The following TNRC6A variants were observed in gnomAD, a reference collection of about 807,000 sequenced individuals.
TNRC6A encodes trinucleotide repeat-containing gene 6A protein.
TNRC6A carries 44 observed loss-of-function variants against 221.2 expected under a neutral mutation model. The ratio of observed to expected loss-of-function variants is 0.20; its 90% confidence interval spans 0.16 to 0.26. TNRC6A has a LOEUF of 0.26. Ranked by LOEUF, TNRC6A falls within the 10% of genes least tolerant of loss-of-function variation. The probability of loss-of-function intolerance (pLI) is 1.00; values close to 1 mark genes in which losing one functional copy is unlikely to be tolerated. For missense variants in TNRC6A, 2,199 were observed against 2,404.4 expected (o/e 0.91, Z 1.79); for synonymous variants, 847 against 838.5 (o/e 1.01, Z -0.18).
chr16:24,626,799 A>G (rs971552610), intron 1 of TNRC6A, among the ~76,000 whole-genome samples: 7 of 151,512 alleles, frequency 4.6e-5, no homozygotes, highest in South Asian at 2.1e-4. Context: ...ACAGGCACCC[A>G]CCACCACGCC....
intron 2 of TNRC6A, among the ~76,000 whole-genome samples, chr16:24,707,806 C>T (rs2056125803): frequency 6.6e-6 from 1 of 152,148 alleles, no homozygotes; most frequent in Admixed American, 6.6e-5. Flanking sequence ...CGCCTGTAAT[C>T]CCAGCACTCT....
chr16:24,749,866 G>A (rs997434789), intron 2 of TNRC6A, among the ~76,000 whole-genome samples: 3 of 152,086 alleles, frequency 2.0e-5, no homozygotes, highest in Non-Finnish European at 2.9e-5. Context: ...TAGACCAGGC[G>A]TGGTGGCTCA....
intron 3 of TNRC6A, among the ~76,000 whole-genome samples, chr16:24,755,669 ATGT>A (rs2057235855): frequency 2.0e-5 from 3 of 152,232 alleles, no homozygotes; most frequent in Non-Finnish European, 4.4e-5. Context: ...CTTCAGGACC[ATGT>A]TGTTGGGACA....
At chr16:24,665,866 A>G (rs139474562) in intron 2 of TNRC6A, among the ~76,000 whole-genome samples, 51 of 152,174 alleles carry the variant, frequency 3.4e-4, no homozygotes, top group African/African-American at 1.2e-3. Flanking sequence ...TCGTCTGTCT[A>G]TGCTCTGCTA....
rs920160521 is a variant in TNRC6A, at chr16:24,713,472, G to A, written n.403-37254G>A. Among the ~76,000 whole-genome samples, 14 of 150,376 alleles carry A rather than the reference G, an allele frequency of 9.3e-5. No individual in the cohort carries two copies. In the South Asian group the frequency reaches 1.1e-3, roughly 11 times the overall value. The stretch of plus-strand genomic sequence containing the variant: ...AACAAAAAAATATATATATATATAT[G>A]TTACCTTTTTTCTTTTAATGCTTGA... On this transcript the variant is annotated intron_variant and non_coding_transcript_variant, in intron 2 of 2. Transcript: ENST00000566108.
intron 11 of TNRC6A, among the ~76,000 whole-genome samples, chr16:24,799,363 C>T (rs1364216395): frequency 6.6e-6 from 1 of 152,182 alleles, no homozygotes; most frequent in African/African-American, 2.4e-5. Flanking sequence ...TACTCTTCTG[C>T]ACGCATTTGT....
At chr16:24,741,145 C>A (rs1375738679) in intron 2 of TNRC6A, among the ~76,000 whole-genome samples, 1 of 152,176 alleles carries the variant, frequency 6.6e-6, no homozygotes, top group Non-Finnish European at 1.5e-5. Flanking sequence ...TGCTTACTCA[C>A]ACACGCACTC....
intron 2 of TNRC6A, among the ~76,000 whole-genome samples, chr16:24,734,992 C>T (rs924283541): frequency 2.6e-5 from 4 of 152,188 alleles, no homozygotes; most frequent in Non-Finnish European, 5.9e-5. Context: ...TTAGAAATGA[C>T]TAGGACTGGC....
chr16:24,621,108 T>G (rs1252896032), intron 1 of TNRC6A, among the ~76,000 whole-genome samples: 17 of 136,064 alleles, frequency 1.2e-4, no homozygotes, highest in African/African-American at 4.4e-4. Context: ...AAAAAAAAAG[T>G]GAAACTCCAT....
chr16:24,670,741 C>T (rs962768600), intron 2 of TNRC6A, among the ~76,000 whole-genome samples: 3 of 152,124 alleles, frequency 2.0e-5, no homozygotes, highest in African/African-American at 7.2e-5. Flanking sequence ...CTCTAACAGA[C>T]ACTGTGCATC....
At chr16:24,685,678 C>T (rs1343118076) in intron 2 of TNRC6A, among the ~76,000 whole-genome samples, 1 of 152,192 alleles carries the variant, frequency 6.6e-6, no homozygotes, top group Non-Finnish European at 1.5e-5. Context: ...TGCCCAAGCA[C>T]TCTGAAAATG....
chr16:24,623,691 G>C (rs544851468), intron 1 of TNRC6A, among the ~76,000 whole-genome samples: 4 of 151,790 alleles, frequency 2.6e-5, no homozygotes, highest in African/African-American at 9.7e-5. Flanking sequence ...AGGAGTTCAA[G>C]ATCAGCCCGG....
chr16:24,618,335 A>G (rs1014004074), intron 1 of TNRC6A, among the ~76,000 whole-genome samples: 2 of 152,218 alleles, frequency 1.3e-5, no homozygotes, highest in Non-Finnish European at 2.9e-5. Flanking sequence ...ACCTAGTGGT[A>G]TATCCTATTT....
intron 2 of TNRC6A, among the ~76,000 whole-genome samples, chr16:24,718,633 G>T (rs762970340): frequency 1.3e-5 from 2 of 152,132 alleles, no homozygotes; most frequent in African/African-American, 4.8e-5. Flanking sequence ...GGGGTTTCAG[G>T]TATAATTCTA....
At chr16:24,683,720 G>A (rs186497624) in intron 2 of TNRC6A, among the ~76,000 whole-genome samples, 5 of 152,266 alleles carry the variant, frequency 3.3e-5, no homozygotes, top group African/African-American at 4.8e-5. Flanking sequence ...AGCTCTTCTC[G>A]CTGTCCTCAG....
rs528068940 is a variant in TNRC6A, at chr16:24,680,940, A to AT, written n.402+39941dup. Among the ~76,000 whole-genome samples, 676 of 148,702 alleles carry AT rather than the reference A, an allele frequency of 4.5e-3. 3 individuals carry two copies. Among genetic ancestry groups the AT allele is most frequent in the Middle Eastern group, 0.045 (13 of 288 alleles). Reference sequence around the variant, plus strand: ...ACACTCGGCTAATTAAAAAAAAAAAATTTTTTTTTTGAGAGACTAGGTCTC... The same window carrying AT: ...ACACTCGGCTAATTAAAAAAAAAAAATTTTTTTTTTTGAGAGACTAGGTCTC... On this transcript the variant is annotated intron_variant and non_coding_transcript_variant, in intron 2 of 2. Transcript: ENST00000566108.
chr16:24,703,292 C>A (rs2056026510), intron 2 of TNRC6A, among the ~76,000 whole-genome samples: 1 of 152,172 alleles, frequency 6.6e-6, no homozygotes. Flanking sequence ...AATGGAATGA[C>A]ATTATATGTT....
chr16:24,808,152 C>T (rs572201316), intron 17 of TNRC6A, among the ~76,000 whole-genome samples: 1 of 152,244 alleles, frequency 6.6e-6, no homozygotes, highest in Non-Finnish European at 1.5e-5. Context: ...AGAATGATAC[C>T]CAAGTACAGG....
intron 3 of TNRC6A, among the ~76,000 whole-genome samples, chr16:24,757,207 C>G (rs1453923063): frequency 1.3e-5 from 2 of 151,984 alleles, no homozygotes; most frequent in Admixed American, 6.6e-5. Flanking sequence ...CACTAGTGCT[C>G]TAAAACTTAG....
Sources: allele counts gnomAD v4.1 joint callset (sites outside exome capture counted in the v4.1 genomes callset), GRCh38; gene constraint gnomAD v4.1.1; transcripts MANE v1.5; gene names NCBI Gene and HGNC (gene_info 2026-07-23, HGNC 2026-07-21).